The following FRYL variants were observed in gnomAD, a reference collection of about 807,000 sequenced individuals.
FRYL encodes the protein protein furry homolog-like.
In FRYL, 150 loss-of-function variants were observed where a neutral mutation model predicts 351.2. The ratio of observed to expected loss-of-function variants is 0.43; its 90% CI spans 0.37 to 0.49. The LOEUF (loss-of-function observed/expected upper bound fraction) is 0.49. Ranked by LOEUF, FRYL falls within the 20% of genes least tolerant of loss-of-function variation. The pLI is 0.00. For synonymous variants in FRYL, 1,153 were observed against 1,257.1 expected (o/e 0.92, Z 1.75); for missense variants, 3,036 against 3,619.3 (o/e 0.84, Z 4.13).
At chr4:48,756,795 A>G (rs1773836165) in intron 1 of FRYL, among the ~76,000 whole-genome samples, 1 of 152,142 alleles carries the variant, frequency 6.6e-6, no homozygotes, top group Non-Finnish European at 1.5e-5. Context: ...AAAAAATTTA[A>G]AAAGTCCCCA....
At chr4:48,612,879 G>A (rs1019224761) in intron 7 of FRYL, among the ~76,000 whole-genome samples, 5 of 151,972 alleles carry the variant, frequency 3.3e-5, no homozygotes, top group East Asian at 1.9e-4. Context: ...GTGAGCCACC[G>A]CACCCGGCCA....
At chr4:48,603,920 C>T (rs1746195182) in intron 11 of FRYL, among the ~76,000 whole-genome samples, 2 of 152,176 alleles carry the variant, frequency 1.3e-5, no homozygotes, top group South Asian at 2.1e-4. Context: ...CTTACTGTCT[C>T]ATTCCTTTAG....
intron 59 of FRYL, chr4:48,506,409 A>G (rs1256565251): frequency 6.6e-6 from 1 of 151,614 alleles, no homozygotes; most frequent in African/African-American, 2.4e-5. Context: ...TCAAAAATAA[A>G]GTACATTTTC....
At chr4:48,603,142 C>T in intron 12 of FRYL, 148 bp downstream of exon 12, 4 of 644,158 alleles carry the variant, frequency 6.2e-6, no homozygotes. Flanking sequence ...CCACGCAAAA[C>T]ATACGTATGT....
intron 3 of FRYL, among the ~76,000 whole-genome samples, chr4:48,668,259 A>G (rs963566030): frequency 6.6e-6 from 1 of 151,984 alleles, no homozygotes; most frequent in Non-Finnish European, 1.5e-5. Flanking sequence ...GCTGTTCTAG[A>G]TTGATCATCG....
chr4:48,693,720 C>T (rs1435984728), intron 2 of FRYL, among the ~76,000 whole-genome samples: 1 of 152,004 alleles, frequency 6.6e-6, no homozygotes, highest in African/African-American at 2.4e-5. Context: ...GCCAGTAATT[C>T]CCACAGATAA....
At chr4:48,572,236 C>A (rs1377045366) in intron 26 of FRYL, among the ~76,000 whole-genome samples, 2 of 152,170 alleles carry the variant, frequency 1.3e-5, no homozygotes, top group Admixed American at 1.3e-4. Context: ...GGACCCTATT[C>A]CAGGGATTCT....
chr4:48,557,823 CTTAACAATTATGAGTATTG>C (rs1734455125), intron 33 of FRYL, 111 bp from the exon 34 acceptor site: 2 of 1,207,078 alleles, frequency 1.7e-6, no homozygotes, highest in Admixed American at 5.1e-5. Flanking sequence ...ACTCATTACA[CTTAACAATTATGAGTATTG>C]TTTTTCCTTT....
At chr4:48,631,519 T>C (rs1752954051) in intron 4 of FRYL, among the ~76,000 whole-genome samples, 1 of 151,918 alleles carries the variant, frequency 6.6e-6, no homozygotes, top group Non-Finnish European at 1.5e-5. Context: ...TTCATTAAAA[T>C]ACTAATATTT....
intron 3 of FRYL, among the ~76,000 whole-genome samples, chr4:48,674,438 G>T (rs1237366621): frequency 6.6e-6 from 1 of 152,032 alleles, no homozygotes; most frequent in Non-Finnish European, 1.5e-5. Context: ...TGATCATTTT[G>T]ATTTCTTTAT....
intron 18 of FRYL, among the ~76,000 whole-genome samples, chr4:48,588,474 G>T (rs1458599279): frequency 6.6e-6 from 1 of 152,058 alleles, no homozygotes; most frequent in African/African-American, 2.4e-5. Flanking sequence ...CCTCCATATG[G>T]ATACCTAGAT....
chr4:48,740,234 T>C (rs1040514807), intron 1 of FRYL, among the ~76,000 whole-genome samples: 4 of 150,736 alleles, frequency 2.7e-5, no homozygotes, highest in African/African-American at 9.8e-5. Flanking sequence ...TCTGATAAAG[T>C]AGCATCCAAA....
At chr4:48,642,944 T>C (rs543598366) in intron 3 of FRYL, among the ~76,000 whole-genome samples, 1 of 152,276 alleles carries the variant, frequency 6.6e-6, no homozygotes, top group South Asian at 2.1e-4. Context: ...GCTTCCCTTC[T>C]AGCAAATGAA....
chr4:48,766,985 C>CTATATATTATATATTATATATTT (rs1775019397), intron 1 of FRYL, among the ~76,000 whole-genome samples: 1 of 146,442 alleles, frequency 6.8e-6, no homozygotes, highest in African/African-American at 2.5e-5. Context: ...TAATATATAT[C>CTATATATTATATATTATATATTT]TATATATTAT....
Position 48,605,619 on chromosome 4 carries a change from G to A in FRYL, c.834+122C>T, listed in dbSNP as rs1219164557. On this transcript the variant is annotated intron_variant, in intron 11 of 63. Transcript: ENST00000358350. The stretch of plus-strand genomic sequence containing the variant: ...CTGAGCAACAGGGAGCAAATGAGAC[G>A]AGCCTTCCCATGGCCACAGCTTATT... 5.5e-5 allele frequency: 37 copies of A among 678,886 alleles called. No individual in the cohort carries two copies. The Admixed American group carries it at 8.2e-4, about 15-fold the overall frequency. The allele number at this position is 678,886 out of a possible 1,614,324, so 42.1% of individuals were successfully genotyped here.
At chr4:48,545,596 G>A (rs1731165638) in intron 42 of FRYL, among the ~76,000 whole-genome samples, 1 of 151,980 alleles carries the variant, frequency 6.6e-6, no homozygotes, top group African/African-American at 2.4e-5. Context: ...TTCCATAATT[G>A]TCTAGAACAA....
At position 48,614,815 on chromosome 4, in the gene FRYL, CTTTTTTTTTTTTTTTTTTT is replaced by C. The variant is rs369399363; in HGVS notation, c.411+4440_411+4458del. Among the ~76,000 whole-genome samples, 151 of 67,970 alleles carry C rather than the reference CTTTTTTTTTTTTTTTTTTT, an allele frequency of 2.2e-3. 1 individual carries two copies. Among genetic ancestry groups the C allele is most frequent in the African/African-American group, 8.7e-3 (145 of 16,704 alleles). The allele number at this position is 67,970 out of a possible 152,430, so 44.6% of individuals were successfully genotyped here. On this transcript the variant is annotated intron_variant, in intron 7 of 63. Transcript: ENST00000358350. ...CACTACCACTGCCAAAAGTTTAATG[CTTTTTTTTTTTTTTTTTTT>C]TTTTTTTTTTGAGACGGAGTCTCAC... is the stretch of plus-strand genomic sequence containing the variant.
At chr4:48,596,868 T>TA (rs201572044) in intron 13 of FRYL, among the ~76,000 whole-genome samples, 5 of 151,952 alleles carry the variant, frequency 3.3e-5, no homozygotes, top group South Asian at 4.1e-4. Flanking sequence ...TTTTTTTTTT[T>TA]ACGGAGAAAC....
At chr4:48,702,502 G>A (rs1237956621) in intron 2 of FRYL, among the ~76,000 whole-genome samples, 6 of 127,114 alleles carry the variant, frequency 4.7e-5, no homozygotes, top group African/African-American at 8.9e-5. Context: ...AATGCTGGGC[G>A]CGGTGGCTCA....
Sources: allele counts gnomAD v4.1 joint callset (sites outside exome capture counted in the v4.1 genomes callset), GRCh38; gene constraint gnomAD v4.1.1; transcripts MANE v1.5; gene names NCBI Gene and HGNC (gene_info 2026-07-23, HGNC 2026-07-21).